POU2F2: variants seen among roughly 807,000 people sequenced by gnomAD.
The protein encoded by POU2F2 is POU domain, class 2, transcription factor 2.
In POU2F2, 14 loss-of-function variants were observed where a neutral mutation model predicts 63.5. The observed-to-expected ratio is 0.22, with a 90% confidence interval of 0.15 to 0.34. The LOEUF is 0.34. Among genes scored for constraint, POU2F2 ranks in the 10% least tolerant of loss-of-function variants. POU2F2 has a pLI of 1.00. For missense variants in POU2F2, 607 were observed against 815.2 expected (o/e 0.74, Z 3.11); for synonymous variants, 306 against 348.6 (o/e 0.88, Z 1.36).
At chr19:42,102,564 C>T (rs1410007134) in intron 5 of POU2F2, among the ~76,000 whole-genome samples, 1 of 151,164 alleles carries the variant, frequency 6.6e-6, no homozygotes, top group Non-Finnish European at 1.5e-5. Flanking sequence ...CAAGACCAGC[C>T]TGGGCAACAT....
In POU2F2 at chr19:42,117,529, C is replaced by A; in HGVS notation, c.187-97G>T. 1 of 587,284 alleles carries A rather than the reference C, an allele frequency of 1.7e-6. No homozygotes were observed. Among genetic ancestry groups the A allele is most frequent in the South Asian group, 2.3e-5 (1 of 43,702 alleles). 36.4% of individuals were successfully genotyped at this position (587,284 alleles called of 1,614,324 possible). A position where few individuals can be genotyped will look rare whatever the true frequency, so the allele number is the denominator to read the frequency against. On this transcript the variant is annotated intron_variant, in intron 4 of 14. Transcript: ENST00000692977. This position sits in a 1 kb window ranked among gnomAD's most constrained non-coding sequence, Gnocchi z 4.4. ...TGGACATGAGGGTGCAGTCTGTGGT[C>A]CTGCACTGACCGCTGGGAGCTTCAA...
intron 2 of POU2F2, among the ~76,000 whole-genome samples, chr19:42,141,254 G>T (rs1479928131): frequency 6.6e-6 from 1 of 152,298 alleles, no homozygotes; most frequent in African/African-American, 2.4e-5. Context: ...GAGGCTCCAG[G>T]AATGTTTGTT....
intron 2 of POU2F2, among the ~76,000 whole-genome samples, chr19:42,138,944 A>C (rs2034072769): frequency 6.6e-6 from 1 of 152,210 alleles, no homozygotes; most frequent in Non-Finnish European, 1.5e-5. Flanking sequence ...CACCACAGCC[A>C]ATTTTCCACA....
At chr19:42,127,756 C>A (rs2033341749) in intron 1 of POU2F2, among the ~76,000 whole-genome samples, 1 of 152,076 alleles carries the variant, frequency 6.6e-6, no homozygotes, top group Non-Finnish European at 1.5e-5. Context: ...GCTCCCCATA[C>A]CCTAGCACCT....
chr19:42,097,774 C>G (rs1599953093), intron 7 of POU2F2, among the ~76,000 whole-genome samples: 3 of 152,174 alleles, frequency 2.0e-5, no homozygotes, highest in Admixed American at 2.0e-4. Context: ...CACCACTGCA[C>G]TCCAGCCTGG....
At chr19:42,094,384 A>G (rs1343603852) in intron 11 of POU2F2, among the ~76,000 whole-genome samples, 2 of 152,146 alleles carry the variant, frequency 1.3e-5, no homozygotes, top group African/African-American at 2.4e-5. Flanking sequence ...GGGTGTTGAG[A>G]TGTCATATTA....
Position 42,100,367 on chromosome 19 carries a change from G to A in POU2F2, c.370-546C>T, listed in dbSNP as rs554209807. On this transcript the variant is annotated intron_variant, in intron 5 of 14. Transcript: ENST00000692977. ...GCCTCCCAAAGTGCTGGGATTACAG[G>A]CGTGAGTCACCGAACCCGGCTACCC... Among the ~76,000 whole-genome samples the A allele has an allele frequency of 3.3e-5, 5 of 151,950 alleles. No individual in the cohort carries two copies. In the South Asian group the frequency reaches 1.0e-3, roughly 32 times the overall value.
Position 42,092,243 on chromosome 19 carries a change from G to A in POU2F2, c.1292C>T (p.Thr431Met), listed in dbSNP as rs758801700. The stretch of plus-strand genomic sequence containing the variant: ...TCCAGCTGTCCGGCTGGGGTGGAGC[G>A]TCCCCACAGCTGAGGATAAGGTAGT... ...TVTTLSSAVG[T>M]LHPSRTAGGG... is the part of the protein sequence containing the mutation. The change falls in exon 13 of 15, where the codon ACG becomes ATG. Residue 431 changes from threonine to methionine, a missense_variant. Thr to Met is a moderately conservative substitution (Grantham distance 81, BLOSUM62 -1). Around this residue, in one of 7 missense-constraint regions of POU2F2, gnomAD observed 270 missense variants for 307.5 expected, o/e 0.88. Coordinates refer to ENST00000692977, the MANE Select transcript of POU2F2 (RefSeq NM_001394376.1). The surrounding 1 kb of genome is among the most constrained non-coding windows in gnomAD (Gnocchi z 5.0). 135 of 1,562,790 alleles carry A rather than the reference G, an allele frequency of 8.6e-5. No homozygotes were observed. The highest frequency in any genetic ancestry group is 4.8e-4 in the South Asian group (41 of 85,332).
At position 42,092,172 on chromosome 19, in the gene POU2F2, G is replaced by A; in HGVS notation, c.1363C>T (p.Pro455Ser). The change falls in exon 13 of 15, where the codon CCC (proline) becomes TCC (serine). Residue 455 changes from proline to serine, a missense_variant. Coordinates refer to ENST00000692977, the MANE Select transcript of POU2F2 (RefSeq NM_001394376.1). This position sits in a 1 kb window ranked among gnomAD's most constrained non-coding sequence, Gnocchi z 5.0. ...GGAAPPLNSI[P>S]SVTPPPPATT... ...GCCGGGGGTGGGGGAGTGACAGAGG[G>A]GATGGAATTGAGGGGGGGCGCAGCC... 6.3e-7 allele frequency: 1 copy of A among 1,579,524 alleles called. No homozygotes were observed. Among genetic ancestry groups the A allele is most frequent in the East Asian group, 2.3e-5 (1 of 44,376 alleles).
intron 1 of POU2F2, among the ~76,000 whole-genome samples, chr19:42,125,624 C>T (rs929235452): frequency 3.9e-5 from 6 of 152,192 alleles, no homozygotes; most frequent in Admixed American, 2.6e-4. Flanking sequence ...AACTCTAACC[C>T]GGTCCTAAAT....
At chr19:42,138,772 C>A (rs2034069007) in intron 2 of POU2F2, among the ~76,000 whole-genome samples, 1 of 151,980 alleles carries the variant, frequency 6.6e-6, no homozygotes, top group Non-Finnish European at 1.5e-5. Flanking sequence ...GAGGCCATCA[C>A]TGAAAGACAC....
At chr19:42,190,736 T>C (rs2146826306) in intron 1 of POU2F2, among the ~76,000 whole-genome samples, 1 of 152,200 alleles carries the variant, frequency 6.6e-6, no homozygotes. Flanking sequence ...ATGCTGTTAC[T>C]GAGATAAATG....
chr19:42,192,793 A>C (rs1284012029), intron 1 of POU2F2, among the ~76,000 whole-genome samples: 1 of 152,222 alleles, frequency 6.6e-6, no homozygotes, highest in Non-Finnish European at 1.5e-5. Flanking sequence ...TCAGATCAGC[A>C]AAATTAAAGC....
upstream of POU2F2, among the ~76,000 whole-genome samples, chr19:42,177,809 C>A (rs1044797143): frequency 6.6e-6 from 1 of 151,856 alleles, no homozygotes; most frequent in African/African-American, 2.4e-5. Context: ...GACACAGAGA[C>A]ACCCAGAGAT....
Position 42,169,233 on chromosome 19 carries a change from T to C in POU2F2, c.-70+6730A>G, listed in dbSNP as rs1200889586. Among the ~76,000 whole-genome samples, 1 of 152,190 alleles carries C rather than the reference T, an allele frequency of 6.6e-6. No individual in the cohort carries two copies. The highest frequency in any genetic ancestry group is 1.5e-5 in the Non-Finnish European group (1 of 68,012). ...CACCACGTGTGGCCTCCCTGTGGGATTTCTGAATGTGGCCTGTGTGCACCC... is the reference window on the plus strand; with the variant it reads ...CACCACGTGTGGCCTCCCTGTGGGACTTCTGAATGTGGCCTGTGTGCACCC... On this transcript the variant is annotated intron_variant, in intron 1 of 6. Coordinates refer to the POU2F2 transcript ENST00000524801. This position sits in a 1 kb window ranked among gnomAD's most constrained non-coding sequence, Gnocchi z 4.3.
At chr19:42,119,830 C>T (rs1164388414) in intron 4 of POU2F2, among the ~76,000 whole-genome samples, 1 of 152,164 alleles carries the variant, frequency 6.6e-6, no homozygotes, top group Non-Finnish European at 1.5e-5. Context: ...CTTTTCAGTG[C>T]TTTTTTCATT....
chr19:42,098,480 G>A (rs1466376359), intron 7 of POU2F2, among the ~76,000 whole-genome samples: 3 of 151,046 alleles, frequency 2.0e-5, no homozygotes, highest in Non-Finnish European at 2.9e-5. Context: ...AATGTGGCCC[G>A]GCCCCCACCC....
At chr19:42,163,627 C>T (rs1191030531) in intron 1 of POU2F2, among the ~76,000 whole-genome samples, 1 of 152,172 alleles carries the variant, frequency 6.6e-6, no homozygotes. Flanking sequence ...ATCCCTCAGT[C>T]CCTCCCTGAG....
chr19:42,118,940 T>C (rs2032253788), intron 4 of POU2F2, among the ~76,000 whole-genome samples: 1 of 152,080 alleles, frequency 6.6e-6, no homozygotes, highest in Non-Finnish European at 1.5e-5. Context: ...AAAGGCCAAA[T>C]AATAGACAGT....
Sources: gnomAD v4.1 joint callset for allele counts (sites outside exome capture counted in the v4.1 genomes callset) on GRCh38, gnomAD v4.1.1 for gene constraint, gnomAD v4.1.1 regional missense constraint, Gnocchi (gnomAD v3.1) non-coding constraint, MANE v1.5 for transcripts, NCBI Gene and HGNC (gene_info 2026-07-23, HGNC 2026-07-21) for gene names.